The following PAPOLA variants were observed in gnomAD, a reference collection of about 807,000 sequenced individuals.
PAPOLA encodes poly(A) polymerase alpha.
A neutral mutation model predicts 100.6 loss-of-function variants in PAPOLA; 15 were observed. The observed-to-expected ratio is 0.15, with a 90% CI of 0.10 to 0.23. The LOEUF is 0.23. Among genes scored for constraint, PAPOLA ranks in the 10% least tolerant of loss-of-function variants. PAPOLA has a pLI of 1.00. For synonymous variants in PAPOLA, 293 were observed against 300.0 expected (o/e 0.98, Z 0.24); for missense variants, 533 against 884.2 (o/e 0.60, Z 5.04).
At chr14:96,532,302 G>GTTT in intron 7 of PAPOLA, 29 bp from the exon 8 acceptor site, 1 of 1,564,106 alleles carries the variant, frequency 6.4e-7, no homozygotes, top group Non-Finnish European at 8.7e-7. Context: ...GTGTGTGTGT[G>GTTT]TGTGTTTTTT....
chr14:96,563,299 A>AT, intron 21 of PAPOLA, among the ~76,000 whole-genome samples: 1 of 152,204 alleles, frequency 6.6e-6, no homozygotes, highest in South Asian at 2.1e-4. Context: ...TTTCTGCCTT[A>AT]TTTTTCCACT....
rs1902226642 is a variant in PAPOLA at position 96,565,801 on chromosome 14, T to C, written c.*751T>C. The C allele has an allele frequency of 5.0e-6, 2 of 398,226 alleles. No individual in the cohort carries two copies. Among genetic ancestry groups the C allele is most frequent in the Admixed American group, 8.8e-5 (2 of 22,692 alleles). 24.7% of individuals were successfully genotyped at this position (398,226 alleles called of 1,614,324 possible). A position where few individuals can be genotyped will look rare whatever the true frequency, so the allele number is the denominator to read the frequency against. On this transcript the variant is annotated 3_prime_UTR_variant, in exon 22 of 22. Coordinates refer to ENST00000216277, the MANE Select transcript of PAPOLA (RefSeq NM_032632.5). ...TGAGCTTGTGAAAGCTCTGTGTTCT[T>C]TTGCCTTCAATCTGTTGTCTTCAAA... is the stretch of plus-strand genomic sequence containing the variant.
rs987841171 is a variant in PAPOLA, at chr14:96,556,063, A to G, written c.1766-112A>G. On this transcript the variant is annotated intron_variant, in intron 18 of 21. Transcript: ENST00000216277. ...AATTCAGTTTTTTAAATGCCAGTTT[A>G]TTTTTTGCATGTAAAGTTATTCATG... 4 of 1,179,588 alleles carry G rather than the reference A, an allele frequency of 3.4e-6. No individual in the cohort carries two copies. In the African/African-American group the frequency reaches 4.6e-5, roughly 14 times the overall value. 73.1% of individuals were successfully genotyped at this position (1,179,588 alleles called of 1,614,324 possible).
chr14:96,549,792 T>G (rs74610865), intron 16 of PAPOLA, among the ~76,000 whole-genome samples: 1 of 152,220 alleles, frequency 6.6e-6, no homozygotes, highest in Non-Finnish European at 1.5e-5. Flanking sequence ...AATTGTCCTT[T>G]AGTGTTGTAT....
intron 17 of PAPOLA, 23 bp from the exon 18 acceptor site, chr14:96,555,824 A>AT: frequency 1.6e-6 from 2 of 1,272,984 alleles, no homozygotes; most frequent in East Asian, 2.4e-5. Flanking sequence ...TTTTGAGACA[A>AT]TTTTTAATTT....
At chr14:96,535,764 C>A (rs1899470374) in intron 10 of PAPOLA, 115 bp from the exon 11 acceptor site, 1 of 983,072 alleles carries the variant, frequency 1.0e-6, no homozygotes. Context: ...TTCTCAACTC[C>A]AGCTATGAAT....
intron 12 of PAPOLA, among the ~76,000 whole-genome samples, chr14:96,539,007 C>G (rs987532925): frequency 2.0e-5 from 3 of 151,996 alleles, no homozygotes; most frequent in Non-Finnish European, 4.4e-5. Context: ...TAATCATCTT[C>G]CAGAAAGACT....
At chr14:96,513,952 A>T (rs918851721) in intron 1 of PAPOLA, among the ~76,000 whole-genome samples, 3 of 151,762 alleles carry the variant, frequency 2.0e-5, no homozygotes, top group African/African-American at 7.3e-5. Flanking sequence ...AATGTTTTTT[A>T]TTTTCTTTCA....
chr14:96,512,403 T>C (rs1306393997), intron 1 of PAPOLA, among the ~76,000 whole-genome samples: 2 of 152,188 alleles, frequency 1.3e-5, no homozygotes, highest in South Asian at 2.1e-4. Flanking sequence ...TCTTTATCTA[T>C]ATGACTACAT....
chr14:96,506,613 G>A (rs748175652), intron 1 of PAPOLA, among the ~76,000 whole-genome samples: 2 of 152,114 alleles, frequency 1.3e-5, no homozygotes, highest in African/African-American at 2.4e-5. Context: ...GAGCTTGACG[G>A]TTTTTCCCAA....
intron 1 of PAPOLA, among the ~76,000 whole-genome samples, chr14:96,516,063 C>T (rs1042050894): frequency 6.6e-6 from 1 of 152,106 alleles, no homozygotes; most frequent in Non-Finnish European, 1.5e-5. Flanking sequence ...AGAACAGCAA[C>T]AAAAAGATTC....
At position 96,537,024 on chromosome 14, in the gene PAPOLA, A is replaced by G. The variant is rs779782355; in HGVS notation, c.1079A>G (p.Lys360Arg). The G allele has an allele frequency of 3.1e-6, 5 of 1,609,128 alleles. No individual in the cohort carries two copies. In the Admixed American group the frequency reaches 5.0e-5, roughly 16 times the overall value. The change falls in exon 12 of 22, where the codon AAA becomes AGA. Residue 360 changes from lysine to arginine, a missense_variant. This residue lies in a region of PAPOLA where 87 missense variants were observed against 173.3 expected (regional missense o/e 0.50). Coordinates refer to ENST00000216277, the MANE Select transcript of PAPOLA (RefSeq NM_032632.5). Reference protein sequence around the residue: ...EILLSKAEWSKLFEAPNFFQK... With the variant: ...EILLSKAEWSRLFEAPNFFQK... ...TTGCTGAGTAAGGCAGAGTGGTCCA[A>G]ACTTTTTGAAGCTCCAAACTTCTTT...
At chr14:96,515,979 C>T (rs1025210195) in intron 1 of PAPOLA, among the ~76,000 whole-genome samples, 1 of 152,156 alleles carries the variant, frequency 6.6e-6, no homozygotes, top group Non-Finnish European at 1.5e-5. Flanking sequence ...ATATGTAAGG[C>T]AGAAGAATCC....
In PAPOLA at chr14:96,534,604, A is replaced by C. The variant is rs573525056; in HGVS notation, c.909+41A>C. The stretch of plus-strand genomic sequence containing the variant: ...TTTCCCCTACCAATTCACACTGTGC[A>C]ATAACAAGTAAAAATCATCTGCATA... On this transcript the variant is annotated intron_variant, in intron 10 of 21. Coordinates refer to ENST00000216277, the MANE Select transcript of PAPOLA (RefSeq NM_032632.5). 33 of 1,613,242 alleles carry C rather than the reference A, an allele frequency of 2.0e-5. No homozygotes were observed. In the South Asian group the frequency reaches 3.6e-4, roughly 18 times the overall value.
At chr14:96,542,592 G>T in intron 13 of PAPOLA, 182 bp from the exon 14 acceptor site, 1 of 587,596 alleles carries the variant, frequency 1.7e-6, no homozygotes, top group Non-Finnish European at 2.9e-6. Context: ...AACCTTGCTG[G>T]TGTGAATGGA....
At chr14:96,546,209 T>C (rs920887859) in intron 15 of PAPOLA, among the ~76,000 whole-genome samples, 10 of 152,140 alleles carry the variant, frequency 6.6e-5, no homozygotes, top group Non-Finnish European at 1.5e-4. Flanking sequence ...GTTAATCCAC[T>C]ATAAAATCTT....
At chr14:96,542,148 A>G (rs959967479) in intron 12 of PAPOLA, 95 bp from the exon 13 acceptor site, 4 of 689,420 alleles carry the variant, frequency 5.8e-6, no homozygotes, top group African/African-American at 1.8e-5. Flanking sequence ...ATTGATGTGG[A>G]TCTATAACTG....
intron 3 of PAPOLA, among the ~76,000 whole-genome samples, chr14:96,523,905 T>G (rs1177164270): frequency 1.3e-5 from 2 of 151,590 alleles, no homozygotes; most frequent in Non-Finnish European, 2.9e-5. Flanking sequence ...ATTGCGCCCG[T>G]TGCACTGCAG....
chr14:96,514,986 C>A (rs943852824), intron 1 of PAPOLA, among the ~76,000 whole-genome samples: 2 of 85,662 alleles, frequency 2.3e-5, no homozygotes, highest in African/African-American at 1.5e-4. Flanking sequence ...AATGCTGTTA[C>A]CAGAAGTCAC....
Sources: allele counts gnomAD v4.1 joint callset (sites outside exome capture counted in the v4.1 genomes callset), GRCh38; gene constraint gnomAD v4.1.1; regional missense constraint gnomAD v4.1.1; transcripts MANE v1.5; gene names NCBI Gene and HGNC (gene_info 2026-07-23, HGNC 2026-07-21).